Variants in RABGEF1 observed in about 807,000 individuals in gnomAD.
RABGEF1 encodes the protein RAB guanine nucleotide exchange factor 1.
Under a neutral mutation model 57.3 loss-of-function variants are expected in RABGEF1, and 26 were observed. The observed-to-expected ratio is 0.45, with a 90% CI of 0.33 to 0.63. The LOEUF is 0.63. Ranked by LOEUF, RABGEF1 falls within the 20% of genes least tolerant of loss-of-function variation. RABGEF1 has a pLI of 0.02. For synonymous variants in RABGEF1, 185 were observed against 210.7 expected (o/e 0.88, Z 1.06); for missense variants, 464 against 607.6 (o/e 0.76, Z 2.48).
chr7:66,713,129 TTTTTC>T (rs200803608), intron 2 of RABGEF1, among the ~76,000 whole-genome samples: 1,918 of 151,076 alleles, frequency 0.013, 44 homozygotes, highest in East Asian at 0.083. Context: ...GGATTTTCTT[TTTTTC>T]TTTTCTTTTC....
In RABGEF1 at chr7:66,765,086, G is replaced by A. The variant is rs556927866; in HGVS notation, c.-17-6797G>A. 1.5e-4 allele frequency among the ~76,000 whole-genome samples: 23 copies of A among 151,748 alleles called. No homozygotes were observed. In the South Asian group the frequency reaches 4.6e-3, roughly 31 times the overall value. ...AGTGTAAGGTGACATAATCACAGGT[G>A]TAGCACCAGAGAGTGAAGGTCATGG... On this transcript the variant is annotated intron_variant, in intron 1 of 8. Transcript: ENST00000284957.
At chr7:66,686,880 G>T (rs1790720816) in intron 1 of RABGEF1, among the ~76,000 whole-genome samples, 1 of 150,266 alleles carries the variant, frequency 6.7e-6, no homozygotes, top group South Asian at 2.1e-4. Context: ...ATAGTGCAGT[G>T]GCGCGATCTC....
intron 1 of RABGEF1, among the ~76,000 whole-genome samples, chr7:66,708,488 A>G (rs1794394564): frequency 6.6e-6 from 1 of 151,928 alleles, no homozygotes; most frequent in Non-Finnish European, 1.5e-5. Flanking sequence ...GGGTTTCACC[A>G]TGTTGGGTCA....
chr7:66,696,220 C>G (rs1399607503), intron 1 of RABGEF1, among the ~76,000 whole-genome samples: 1 of 152,042 alleles, frequency 6.6e-6, no homozygotes, highest in African/African-American at 2.4e-5. Context: ...TGCCTAACAC[C>G]ATGCCTGGCT....
At chr7:66,766,801 TG>T (rs1436762498) in intron 1 of RABGEF1, among the ~76,000 whole-genome samples, 1 of 152,048 alleles carries the variant, frequency 6.6e-6, no homozygotes, top group East Asian at 1.9e-4. Context: ...CTCGGCTTAC[TG>T]CAGCCTCTGC....
In RABGEF1 at chr7:66,682,944, G is replaced by C. The variant is rs147276785; in HGVS notation, c.-873+686G>C. On this transcript the variant is annotated intron_variant and NMD_transcript_variant, in intron 1 of 9. Coordinates refer to the RABGEF1 transcript ENST00000607882. ...AGGACTCTGCCGCTTTGGAGGCTAG[G>C]TCATAGGCAGCTGGCGGTGTCTCAG... is the stretch of plus-strand genomic sequence containing the variant. Among the ~76,000 whole-genome samples the C allele has an allele frequency of 6.1e-3, 936 of 152,280 alleles. 10 individuals are homozygous for C. Among genetic ancestry groups the C allele is most frequent in the African/African-American group, 0.021 (874 of 41,552 alleles).
At chr7:66,723,377 A>G (rs1173252669) in intron 2 of RABGEF1, among the ~76,000 whole-genome samples, 3 of 152,176 alleles carry the variant, frequency 2.0e-5, no homozygotes, top group Admixed American at 6.5e-5. Flanking sequence ...TGGAGTTTAT[A>G]ATGTGAATCT....
chr7:66,701,486 G>A (rs1218129015), intron 1 of RABGEF1, among the ~76,000 whole-genome samples: 1 of 150,610 alleles, frequency 6.6e-6, no homozygotes, highest in Non-Finnish European at 1.5e-5. Flanking sequence ...AGGACAGAGC[G>A]AGACTCTGAC....
At chr7:66,659,721 G>A in the RABGEF1 span, among the ~76,000 whole-genome samples, 4 of 151,738 alleles carry the variant, frequency 2.6e-5, no homozygotes, top group Non-Finnish European at 5.9e-5. Context: ...TGAGGCTGCA[G>A]TGAGCCGAGA....
At chr7:66,745,874 C>T (rs557491287) in intron 1 of RABGEF1, among the ~76,000 whole-genome samples, 2 of 151,960 alleles carry the variant, frequency 1.3e-5, no homozygotes, top group East Asian at 1.9e-4. Context: ...GTGGGAGAAT[C>T]GCTTGAGCCT....
chr7:66,775,441 A>G, intron 3 of RABGEF1, 48 bp downstream of exon 3: 2 of 1,591,874 alleles, frequency 1.3e-6, no homozygotes, highest in Non-Finnish European at 1.7e-6. Context: ...AGTGAGACAC[A>G]GAGGAGATCC....
intron 4 of RABGEF1, among the ~76,000 whole-genome samples, chr7:66,786,440 A>G (rs144288182): frequency 1.6e-4 from 24 of 151,840 alleles, no homozygotes; most frequent in East Asian, 7.7e-4. Context: ...GTGTTGCTCT[A>G]TCTCCTGGAC....
intron 3 of RABGEF1, among the ~76,000 whole-genome samples, chr7:66,778,269 C>T (rs1809009963): frequency 6.6e-6 from 1 of 152,158 alleles, no homozygotes; most frequent in Admixed American, 6.5e-5. Context: ...TTATGCCATA[C>T]GTAGCAGCTT....
intron 2 of RABGEF1, among the ~76,000 whole-genome samples, chr7:66,717,445 C>G (rs945404117): frequency 6.6e-6 from 1 of 152,230 alleles, no homozygotes; most frequent in South Asian, 2.1e-4. Context: ...AATATTACAT[C>G]TTTTGCTTTC....
intron 1 of RABGEF1, among the ~76,000 whole-genome samples, chr7:66,741,304 G>A (rs1052709501): frequency 3.9e-5 from 6 of 152,228 alleles, no homozygotes; most frequent in Non-Finnish European, 5.9e-5. Context: ...CTAGGGGGCA[G>A]AAGTGTCCCG....
At chr7:66,760,811 TAGAGAC>T (rs1804141039) in intron 1 of RABGEF1, among the ~76,000 whole-genome samples, 1 of 152,072 alleles carries the variant, frequency 6.6e-6, no homozygotes, top group Non-Finnish European at 1.5e-5. Context: ...TTTTAAATAA[TAGAGAC>T]AGAGTCTTGC....
chr7:66,703,347 A>G (rs1277413616), intron 1 of RABGEF1, among the ~76,000 whole-genome samples: 1 of 152,156 alleles, frequency 6.6e-6, no homozygotes, highest in Non-Finnish European at 1.5e-5. Flanking sequence ...TTGGTATCAT[A>G]TCTAGAAAAT....
chr7:66,683,098 C>T (rs1584589133), intron 1 of RABGEF1, among the ~76,000 whole-genome samples: 1 of 152,148 alleles, frequency 6.6e-6, no homozygotes, highest in African/African-American at 2.4e-5. Context: ...TGGTTTTTGG[C>T]TTGGAGAGCT....
chr7:66,732,823 G>A (rs1797498295), intron 2 of RABGEF1, among the ~76,000 whole-genome samples: 1 of 151,952 alleles, frequency 6.6e-6, no homozygotes, highest in South Asian at 2.1e-4. Flanking sequence ...CTCTCACTCT[G>A]TAGCCACATG....
Sources: gnomAD v4.1 joint callset for allele counts (sites outside exome capture counted in the v4.1 genomes callset) on GRCh38, gnomAD v4.1.1 for gene constraint, MANE v1.5 for transcripts, NCBI Gene and HGNC (gene_info 2026-07-23, HGNC 2026-07-21) for gene names.